Variants in TDRKH observed in about 807,000 individuals in gnomAD.
TDRKH encodes tudor and KH domain-containing protein.
A neutral mutation model predicts 61.3 loss-of-function variants in TDRKH; 28 were observed. That is an observed-to-expected ratio of 0.46 (90% CI 0.34 to 0.63). The LOEUF (loss-of-function observed/expected upper bound fraction) is 0.63. TDRKH is among the 20% of genes least tolerant of loss of function. The pLI is 0.01. For synonymous variants in TDRKH, 219 were observed against 244.4 expected (o/e 0.90, Z 0.97); for missense variants, 540 against 683.4 (o/e 0.79, Z 2.34).
At position 151,774,950 on chromosome 1, in the gene TDRKH, C is replaced by G. The variant is rs902256370; in HGVS notation, c.1536+115G>C. 1.2e-5 allele frequency: 16 copies of G among 1,356,366 alleles called. No homozygotes were observed. The Admixed American group carries it at 3.0e-4, about 25-fold the overall frequency. 84.0% of individuals were successfully genotyped at this position (1,356,366 alleles called of 1,614,324 possible). A position where few individuals can be genotyped will look rare whatever the true frequency, so the allele number is the denominator to read the frequency against. On this transcript the variant is annotated intron_variant, in intron 11 of 12. Coordinates refer to ENST00000368824, the MANE Select transcript of TDRKH (RefSeq NM_001083965.2). ...GACAAAATGCTCCTTTGGTCAACTA[C>G]TGGAGGAGCTCAAAGTCCTTAGGAA...
intron 1 of TDRKH, 53 bp from the exon 2 acceptor site, chr1:151,783,102 A>G: frequency 1.3e-6 from 2 of 1,538,106 alleles, no homozygotes; most frequent in South Asian, 2.4e-5. Context: ...TCCTTTTATG[A>G]ATAGCAGAGA....
downstream of TDRKH, chr1:151,770,646 A>G (rs1478032078): frequency 4.1e-6 from 1 of 244,628 alleles, no homozygotes; most frequent in Non-Finnish European, 7.8e-6. Flanking sequence ...TACAGAAACT[A>G]TAGCCTCTTG....
chr1:151,769,994 GAGGTT>G (rs1648592907), downstream of TDRKH: 1 of 924,908 alleles, frequency 1.1e-6, no homozygotes, highest in Admixed American at 2.2e-5. Flanking sequence ...ATCAGGCAGG[GAGGTT>G]GCAGTGAGCC....
downstream of TDRKH, chr1:151,767,412 G>A: frequency 6.6e-7 from 1 of 1,504,704 alleles, no homozygotes; most frequent in Non-Finnish European, 8.8e-7. Context: ...TGGAATCTTG[G>A]AACGCATGTG....
chr1:151,786,688 A>G (rs913374870), intron 1 of TDRKH, among the ~76,000 whole-genome samples: 7 of 152,166 alleles, frequency 4.6e-5, no homozygotes, highest in Admixed American at 1.3e-4. Flanking sequence ...TTTTTTCTAT[A>G]TCCTGGTTTT....
downstream of TDRKH, chr1:151,771,836 T>A (rs1648722459): frequency 2.5e-6 from 1 of 398,080 alleles, no homozygotes; most frequent in Non-Finnish European, 4.4e-6. Context: ...AAACTGCAGG[T>A]AAGAATGAGA....
intron 6 of TDRKH, among the ~76,000 whole-genome samples, chr1:151,777,806 T>C (rs1271074619): frequency 6.6e-6 from 1 of 150,730 alleles, no homozygotes; most frequent in Non-Finnish European, 1.5e-5. Context: ...TAGCCTCGAC[T>C]TCCTGGGCTC....
chr1:151,770,423 A>T, downstream of TDRKH: 2 of 1,019,366 alleles, frequency 2.0e-6, no homozygotes, highest in Non-Finnish European at 2.8e-6. Flanking sequence ...AACTTGTTCC[A>T]TCAAGTTACA....
chr1:151,772,086 G>A (rs957176462), downstream of TDRKH: 11 of 396,540 alleles, frequency 2.8e-5, no homozygotes, highest in Non-Finnish European at 4.4e-5. Context: ...CTGCTAATTG[G>A]GACTGAGATT....
At chr1:151,789,608 ACTAT>A (rs1223824779) in intron 1 of TDRKH, among the ~76,000 whole-genome samples, 1 of 152,238 alleles carries the variant, frequency 6.6e-6, no homozygotes, top group African/African-American at 2.4e-5. Flanking sequence ...ATTGCCAAAA[ACTAT>A]CTGATATGCA....
intron 3 of TDRKH, among the ~76,000 whole-genome samples, chr1:151,780,782 G>A (rs921532360): frequency 2.7e-5 from 4 of 150,864 alleles, no homozygotes; most frequent in Non-Finnish European, 4.4e-5. Flanking sequence ...CATGGGAGGC[G>A]GAGCTTGCAG....
chr1:151,775,034 A>G, intron 11 of TDRKH, 31 bp downstream of exon 11: 1 of 1,608,016 alleles, frequency 6.2e-7, no homozygotes, highest in Non-Finnish European at 8.5e-7. Context: ...TTTGCCTGGA[A>G]GCAGCACCCT....
chr1:151,786,090 C>A (rs1650289946), intron 1 of TDRKH, among the ~76,000 whole-genome samples: 1 of 152,150 alleles, frequency 6.6e-6, no homozygotes, highest in South Asian at 2.1e-4. Flanking sequence ...AAAACATACT[C>A]ATTAATACAA....
At chr1:151,775,768 A>G (rs1649103715) in intron 9 of TDRKH, 52 bp downstream of exon 9, 2 of 1,586,674 alleles carry the variant, frequency 1.3e-6, no homozygotes, top group East Asian at 2.2e-5. Context: ...AATGAACTGT[A>G]TGAAGTTATT....
rs767526791 is a variant in TDRKH, at chr1:151,778,913, T to C, written c.655A>G (p.Ser219Gly). The stretch of plus-strand genomic sequence containing the variant: ...TCTGTCATGTCTTCTCTTCTCACAC[T>C]GATTGGCTGTTTGCGTGGGACCCTG... Reference protein sequence around the residue: ...ETRVPRKQPISVRREDMTEPG... With the variant: ...ETRVPRKQPIGVRREDMTEPG... The change falls in exon 6 of 13, where the codon AGT (serine) becomes GGT (glycine). Residue 219 changes from serine to glycine, a missense_variant. Coordinates refer to ENST00000368824, the MANE Select transcript of TDRKH (RefSeq NM_001083965.2). 3 of 1,614,226 alleles carry C rather than the reference T, an allele frequency of 1.9e-6. No homozygotes were observed. The highest frequency in any genetic ancestry group is 1.7e-5 in the Admixed American group (1 of 60,026).
In TDRKH at chr1:151,777,395, G is replaced by A. The variant is rs144342529; in HGVS notation, c.884-796C>T. On this transcript the variant is annotated intron_variant, in intron 6 of 12. Transcript: ENST00000368824. Reference sequence around the variant, plus strand: ...TGGGAGGCGGAGGTTGCAGTGAGCCGAGAATGCACCATTGCACTCCAGCCT... The same window carrying A: ...TGGGAGGCGGAGGTTGCAGTGAGCCAAGAATGCACCATTGCACTCCAGCCT... Among the ~76,000 whole-genome samples the A allele has an allele frequency of 4.7e-3, 716 of 152,044 alleles. 3 individuals are homozygous for A. Among genetic ancestry groups the A allele is most frequent in the African/African-American group, 0.015 (638 of 41,476 alleles).
intron 6 of TDRKH, among the ~76,000 whole-genome samples, chr1:151,777,213 G>A (rs1486419250): frequency 6.6e-6 from 1 of 152,244 alleles, no homozygotes; most frequent in East Asian, 1.9e-4. Flanking sequence ...GGGAGGCCAA[G>A]GTGGGTGGAT....
chr1:151,777,706 A>T (rs964734397), intron 6 of TDRKH, among the ~76,000 whole-genome samples: 1 of 148,738 alleles, frequency 6.7e-6, no homozygotes, highest in Non-Finnish European at 1.5e-5. Flanking sequence ...ATTTCTTTTT[A>T]AAAAAATAGT....
chr1:151,780,035 C>A lies in TDRKH; in HGVS notation c.337G>T (p.Ala113Ser). ...TCTGTCAGGATCTGATGGATTGCTG[C>A]TTTGGCCTTGCACACCTGAACAGGA... ...GFPVQVCKAK[A>S]AIHQILTENT... Residue 113 changes from alanine (A) to serine (S), a missense_variant, in exon 4 of 13, where the codon GCA becomes TCA. Ala to Ser is a moderately conservative substitution (Grantham distance 99, BLOSUM62 1). Coordinates refer to ENST00000368824, the MANE Select transcript of TDRKH (RefSeq NM_001083965.2). 6.2e-7 allele frequency: 1 copy of A among 1,614,240 alleles called. No individual in the cohort carries two copies. The highest frequency in any genetic ancestry group is 8.5e-7 in the Non-Finnish European group (1 of 1,180,044).
Sources: allele counts gnomAD v4.1 joint callset (sites outside exome capture counted in the v4.1 genomes callset), GRCh38; gene constraint gnomAD v4.1.1; transcripts MANE v1.5; gene names NCBI Gene and HGNC (gene_info 2026-07-23, HGNC 2026-07-21).